Variants in NBPF11 observed in about 807,000 individuals in gnomAD.
NBPF11 encodes NBPF family member NBPF11.
Under a neutral mutation model 93.9 loss-of-function variants are expected in NBPF11, and 72 were observed. That is an observed-to-expected ratio of 0.77 (90% CI 0.63 to 0.93). NBPF11 has a LOEUF of 0.93. Among genes scored for constraint, NBPF11 ranks in the 40% least tolerant of loss-of-function variants. The pLI is 0.00. For missense variants in NBPF11, 705 were observed against 802.2 expected (o/e 0.88, Z 1.46); for synonymous variants, 224 against 304.9 (o/e 0.73, Z 2.76).
rs1166506043 is a variant in NBPF11 at position 148,131,181 on chromosome 1, C to T, written c.-35-4143G>A. ...AGAGGAAAAAAAAAAAAAAAAGAAG[C>T]CAGTGCCCTTATACAAAGGCTGGAA... On this transcript the variant is annotated intron_variant, in intron 4 of 23. Transcript: ENST00000682118. 8.7e-4 allele frequency among the ~76,000 whole-genome samples: 128 copies of T among 147,846 alleles called. No individual in the cohort carries two copies. The East Asian group carries it at 0.025, about 29-fold the overall frequency.
chr1:148,145,210 T>C (rs1165983757), intron 1 of NBPF11, among the ~76,000 whole-genome samples: 9 of 134,146 alleles, frequency 6.7e-5, no homozygotes, highest in African/African-American at 2.4e-4. Flanking sequence ...TCTTTTTTTT[T>C]TTTTTTTTTT....
chr1:148,106,589 C>T lies in NBPF11; in HGVS notation c.2251+353G>A, dbSNP rs1403227609. 3.1e-4 allele frequency among the ~76,000 whole-genome samples: 44 copies of T among 141,106 alleles called. 7 individuals are homozygous for T. Among genetic ancestry groups the T allele is most frequent in the Admixed American group, 1.1e-3 (16 of 14,080 alleles). 92.6% of individuals were successfully genotyped at this position (141,106 alleles called of 152,430 possible). A position where few individuals can be genotyped will look rare whatever the true frequency, so the allele number is the denominator to read the frequency against. ...TCTCATCAAATGCCCAGCTCGTTCACGGATGCAAGAATTTTAGACACTGAA... is the reference window on the plus strand; with the variant it reads ...TCTCATCAAATGCCCAGCTCGTTCATGGATGCAAGAATTTTAGACACTGAA... On this transcript the variant is annotated intron_variant, in intron 20 of 23. Coordinates refer to ENST00000682118, the MANE Select transcript of NBPF11 (RefSeq NM_001385469.3).
intron 5 of NBPF11, among the ~76,000 whole-genome samples, chr1:148,126,335 G>A (rs1300606110): frequency 2.0e-5 from 3 of 151,690 alleles, no homozygotes; most frequent in Non-Finnish European, 4.4e-5. Context: ...CTTATAGATA[G>A]CACAGGTTCT....
chr1:148,126,967 C>A lies in NBPF11; in HGVS notation c.37G>T (p.Ala13Ser). Residue 13 changes from alanine to serine, a missense_variant, in exon 5 of 24, where the codon GCA (alanine) becomes TCA (serine). By Grantham distance (99) the Ala-to-Ser change is moderately conservative. Around this residue, in one of 12 missense-constraint regions of NBPF11, gnomAD observed 128 missense variants for 112.8 expected, o/e 1.14. Transcript: ENST00000682118. ...VSAGPWSSEK[A>S]EMNILEINEK... Reference sequence around the variant, plus strand: ...TTGATTTCTAGAATGTTCATCTCTGCCTTCTCGCTGGACCAAGGGCCGGCT... The same window carrying A: ...TTGATTTCTAGAATGTTCATCTCTGACTTCTCGCTGGACCAAGGGCCGGCT... 3 of 830,846 alleles carry A rather than the reference C, an allele frequency of 3.6e-6. No individual in the cohort carries two copies. The allele number at this position is 830,846 out of a possible 1,614,324, so 51.5% of individuals were successfully genotyped here. A position where few individuals can be genotyped will look rare whatever the true frequency, so the allele number is the denominator to read the frequency against.
chr1:148,139,968 G>A (rs1306058357), intron 2 of NBPF11, among the ~76,000 whole-genome samples: 1 of 151,138 alleles, frequency 6.6e-6, no homozygotes, highest in African/African-American at 2.4e-5. Flanking sequence ...ATCTCAACCA[G>A]GTTCTCATGA....
chr1:148,125,297 C>A (rs1553272816), intron 5 of NBPF11, among the ~76,000 whole-genome samples: 1 of 151,832 alleles, frequency 6.6e-6, no homozygotes, highest in Non-Finnish European at 1.5e-5. Flanking sequence ...ACTCTGAATG[C>A]GGGGCCACTT....
intron 21 of NBPF11, 60 bp downstream of exon 21, chr1:148,106,121 C>G (rs1416440853): frequency 9.4e-6 from 6 of 637,236 alleles, no homozygotes; most frequent in South Asian, 7.4e-5. Flanking sequence ...CTCTGTTTTC[C>G]CTGAACCAGG....
In NBPF11 at chr1:148,137,000, G is replaced by T. The variant is rs1276841089; in HGVS notation, c.-178+711C>A. Among the ~76,000 whole-genome samples, 9 of 151,830 alleles carry T rather than the reference G, an allele frequency of 5.9e-5. 1 individual carries two copies. The highest frequency in any genetic ancestry group is 2.2e-4 in the African/African-American group (9 of 41,168). On this transcript the variant is annotated intron_variant, in intron 3 of 23. Coordinates refer to ENST00000682118, the MANE Select transcript of NBPF11 (RefSeq NM_001385469.3). The stretch of plus-strand genomic sequence containing the variant: ...GAGAGGGTAAATGCACTTTGCAGAT[G>T]GGGGAATGTGAGTGTCCTACTGTGG...
chr1:148,106,439 G>C (rs1663636017), intron 20 of NBPF11, among the ~76,000 whole-genome samples: 2 of 145,540 alleles, frequency 1.4e-5, no homozygotes, highest in Non-Finnish European at 3.0e-5. Flanking sequence ...CCCTATTCTG[G>C]TAGATCGTTA....
rs1437885460 is a variant in NBPF11, at chr1:148,103,919, A to G, written c.2582-7T>C. 1 of 1,610,872 alleles carries G rather than the reference A, an allele frequency of 6.2e-7. No homozygotes were observed. Among genetic ancestry groups the G allele is most frequent in the South Asian group, 1.1e-5 (1 of 90,972 alleles). Reference sequence around the variant, plus strand: ...CATCAGCACGCTGCTGAGCCTGGAAAAGGAGACAAAACTAAAGAAGCAGCC... The same window carrying G: ...CATCAGCACGCTGCTGAGCCTGGAAGAGGAGACAAAACTAAAGAAGCAGCC... On this transcript the variant is annotated splice_region_variant and splice_polypyrimidine_tract_variant and intron_variant, in intron 23 of 23. Transcript: ENST00000682118.
chr1:148,108,712 C>G (rs1355104089), intron 17 of NBPF11, 58 bp from the exon 18 acceptor site: 3 of 775,462 alleles, frequency 3.9e-6, no homozygotes, highest in Middle Eastern at 3.6e-4. Context: ...CCACACAGCC[C>G]CAGCTAGATT....
chr1:148,109,422 G>T (rs1553268188), intron 16 of NBPF11, 87 bp from the exon 17 acceptor site: 2 of 892,756 alleles, frequency 2.2e-6, no homozygotes, highest in African/African-American at 3.5e-5. Context: ...CTAACACAGG[G>T]ACATCAGTCT....
chr1:148,145,399 A>C (rs1412823330), intron 1 of NBPF11, among the ~76,000 whole-genome samples: 1 of 139,048 alleles, frequency 7.2e-6, no homozygotes, highest in Non-Finnish European at 1.5e-5. Flanking sequence ...TTTAGTAGAG[A>C]CGGGGTTTCA....
chr1:148,120,299 A>C, intron 10 of NBPF11, among the ~76,000 whole-genome samples: 4 of 148,806 alleles, frequency 2.7e-5, no homozygotes, highest in Admixed American at 1.4e-4. Flanking sequence ...TCCCACCCCC[A>C]CCTGATTGCA....
chr1:148,151,987 C>A lies in NBPF11; in HGVS notation c.-786G>T, dbSNP rs1354093384. Reference sequence around the variant, plus strand: ...TTGCGGCCCGCTGGCTCCTCAGGGTCCGGATGGGCCGTGTCAGGAGAGCCC... The same window carrying A: ...TTGCGGCCCGCTGGCTCCTCAGGGTACGGATGGGCCGTGTCAGGAGAGCCC... On this transcript the variant is annotated 5_prime_UTR_variant, in exon 1 of 24. Transcript: ENST00000682118. 6.6e-6 allele frequency: 1 copy of A among 152,240 alleles called. No individual in the cohort carries two copies. The highest frequency in any genetic ancestry group is 2.4e-5 in the African/African-American group (1 of 41,306). 9.4% of individuals were successfully genotyped at this position (152,240 alleles called of 1,614,324 possible). A position where few individuals can be genotyped will look rare whatever the true frequency, so the allele number is the denominator to read the frequency against.
intron 1 of NBPF11, among the ~76,000 whole-genome samples, chr1:148,147,412 C>T (rs1282654050): frequency 6.6e-6 from 1 of 152,052 alleles, no homozygotes; most frequent in Non-Finnish European, 1.5e-5. Flanking sequence ...TGCAGACCCG[C>T]AGCACACATC....
chr1:148,115,162 C>CGCAAAA lies in NBPF11; in HGVS notation c.1585+630_1585+631insTTTTGC, dbSNP rs1666177688. Among the ~76,000 whole-genome samples the CGCAAAA allele has an allele frequency of 2.8e-3, 43 of 15,172 alleles. 8 individuals are homozygous for CGCAAAA. Among genetic ancestry groups the CGCAAAA allele is most frequent in the East Asian group, 8.5e-3 (2 of 236 alleles). The allele number at this position is 15,172 out of a possible 152,430, so 10.0% of individuals were successfully genotyped here. On this transcript the variant is annotated intron_variant, in intron 14 of 23. Coordinates refer to ENST00000682118, the MANE Select transcript of NBPF11 (RefSeq NM_001385469.3). ...CCTAGGTGACAGAGCAGGACTCCAT[C>CGCAAAA]ACAAAAAAAAAAAAAAAAAAAAAAA...
intron 1 of NBPF11, chr1:148,146,742 C>T: frequency 1.2e-6 from 2 of 1,612,682 alleles, no homozygotes; most frequent in South Asian, 1.1e-5. Flanking sequence ...CGGTCCTCTT[C>T]TCGCACGGCA....
Position 148,122,166 on chromosome 1 carries a change from G to T in NBPF11, c.667C>A (p.Pro223Thr). Residue 223 changes from proline (P) to threonine (T), a missense_variant, in exon 9 of 24, where the codon CCT becomes ACT. By Grantham distance (38) the Pro-to-Thr change is conservative. Transcript: ENST00000682118. ...NSHGPCDSIQ[P>T]HKNIKITFEE... ...AATGTGATTTTGATGTTCTTGTGAGGCTGGATGGAGTCACAAGGGCCGTGG... is the reference window on the plus strand; with the variant it reads ...AATGTGATTTTGATGTTCTTGTGAGTCTGGATGGAGTCACAAGGGCCGTGG... 6.2e-7 allele frequency: 1 copy of T among 1,612,780 alleles called. No homozygotes were observed. Among genetic ancestry groups the T allele is most frequent in the East Asian group, 2.2e-5 (1 of 44,856 alleles).
Sources: gnomAD v4.1 joint callset for allele counts (sites outside exome capture counted in the v4.1 genomes callset) on GRCh38, gnomAD v4.1.1 for gene constraint, gnomAD v4.1.1 regional missense constraint, MANE v1.5 for transcripts, NCBI Gene and HGNC (gene_info 2026-07-23, HGNC 2026-07-21) for gene names.